The following NUSAP1 variants were observed in gnomAD, a reference collection of about 807,000 sequenced individuals.
NUSAP1 encodes nucleolar and spindle associated protein 1.
In NUSAP1, 32 loss-of-function variants were observed where a neutral mutation model predicts 52.8. That is an observed-to-expected ratio of 0.61 (90% confidence interval 0.46 to 0.81). The LOEUF (loss-of-function observed/expected upper bound fraction) is 0.81, where lower values mean the gene tolerates loss of function less well. NUSAP1 is among the 40% of genes least tolerant of loss of function. NUSAP1 has a pLI of 0.00. For synonymous variants in NUSAP1, 195 were observed against 183.1 expected (o/e 1.06, Z -0.52); for missense variants, 499 against 522.3 (o/e 0.96, Z 0.43).
Position 41,374,098 on chromosome 15 carries a change from C to T in NUSAP1, c.1007-1614C>T, listed in dbSNP as rs916294446. Among the ~76,000 whole-genome samples the T allele has an allele frequency of 2.0e-5, 3 of 152,328 alleles. No individual in the cohort carries two copies. The East Asian group carries it at 5.8e-4, about 29-fold the overall frequency. ...AAAGGAAATTAATCTCAATGGTTAG[C>T]TTTCCTCAATTATTGTTTTCCCCTT... On this transcript the variant is annotated intron_variant, in intron 8 of 10. Coordinates refer to ENST00000559596, the MANE Select transcript of NUSAP1 (RefSeq NM_016359.5).
chr15:41,377,693 C>A lies in NUSAP1; in HGVS notation c.1232+389C>A, dbSNP rs536649585. ...TAGCCTGCGTGACAGAGCCAGGCGC[C>A]GTCTCAAAAAAAAAAAAAGTGGTAT... On this transcript the variant is annotated intron_variant, in intron 10 of 10. Transcript: ENST00000559596. 3.1e-5 allele frequency among the ~76,000 whole-genome samples: 4 copies of A among 127,394 alleles called. No individual in the cohort carries two copies. In the East Asian group the frequency reaches 9.4e-4, roughly 30 times the overall value. 83.6% of individuals were successfully genotyped at this position (127,394 alleles called of 152,430 possible).
chr15:41,379,852 T>C (rs1265509719), intron 10 of NUSAP1, among the ~76,000 whole-genome samples: 1 of 152,190 alleles, frequency 6.6e-6, no homozygotes, highest in Non-Finnish European at 1.5e-5. Flanking sequence ...CCGGCCTCCA[T>C]GCATGATTTT....
At chr15:41,342,204 G>A (rs1041574755) in intron 1 of NUSAP1, among the ~76,000 whole-genome samples, 182 bp from the exon 2 acceptor site, 1 of 152,148 alleles carries the variant, frequency 6.6e-6, no homozygotes, top group African/African-American at 2.4e-5. Flanking sequence ...CTCTTTCCTT[G>A]TCTAACTTTC....
intron 7 of NUSAP1, among the ~76,000 whole-genome samples, chr15:41,370,733 G>A (rs563985735): frequency 2.7e-4 from 36 of 134,594 alleles, no homozygotes; most frequent in Admixed American, 1.1e-3. Flanking sequence ...CTGGGCGACC[G>A]AGCAAAACTC....
chr15:41,338,760 G>A (rs1304189235), intron 1 of NUSAP1, among the ~76,000 whole-genome samples: 3 of 151,872 alleles, frequency 2.0e-5, no homozygotes, highest in Admixed American at 6.6e-5. Context: ...GTTCAAGGCC[G>A]GCCTGGCCAG....
intron 9 of NUSAP1, among the ~76,000 whole-genome samples, chr15:41,376,574 TCAA>T (rs2140870443): frequency 7.0e-6 from 1 of 143,766 alleles, no homozygotes; most frequent in Non-Finnish European, 1.5e-5. Flanking sequence ...GCCTGTAGTC[TCAA>T]CTACTCGGGA....
At chr15:41,374,814 T>G (rs1302134292) in intron 8 of NUSAP1, among the ~76,000 whole-genome samples, 1 of 151,796 alleles carries the variant, frequency 6.6e-6, no homozygotes, top group African/African-American at 2.4e-5. Context: ...CGTGAGCCAC[T>G]GCACCCAGCT....
chr15:41,377,100 A>G, intron 9 of NUSAP1, 96 bp from the exon 10 acceptor site: 2 of 668,234 alleles, frequency 3.0e-6, no homozygotes, highest in Non-Finnish European at 5.2e-6. Context: ...AAAAGTATAA[A>G]TGTTGATAGC....
intron 9 of NUSAP1, among the ~76,000 whole-genome samples, chr15:41,376,231 T>C (rs1419784489): frequency 1.4e-5 from 2 of 146,680 alleles, no homozygotes; most frequent in Middle Eastern, 7.2e-3. Context: ...CCCCGTCTCT[T>C]CTGAAAAAAA....
chr15:41,338,655 AAAAG>A (rs1255331954), intron 1 of NUSAP1, among the ~76,000 whole-genome samples: 2 of 152,146 alleles, frequency 1.3e-5, no homozygotes, highest in African/African-American at 4.8e-5. Context: ...GAAAAGAAAA[AAAAG>A]AGAGAGAGAC....
intron 9 of NUSAP1, among the ~76,000 whole-genome samples, chr15:41,376,681 A>T (rs1464939236): frequency 1.3e-5 from 2 of 151,900 alleles, no homozygotes; most frequent in African/African-American, 4.8e-5. Context: ...ACAGAACGAG[A>T]CTCTGTCTAA....
At chr15:41,336,648 GT>G (rs75426159) in intron 1 of NUSAP1, among the ~76,000 whole-genome samples, 227 of 91,346 alleles carry the variant, frequency 2.5e-3, no homozygotes, top group East Asian at 7.8e-3. Context: ...CCTCCTTTTG[GT>G]TTTTTTTTTT....
At chr15:41,359,014 C>G (rs1442046117) in intron 6 of NUSAP1, among the ~76,000 whole-genome samples, 2 of 152,180 alleles carry the variant, frequency 1.3e-5, no homozygotes, top group African/African-American at 4.8e-5. Context: ...GTGATAAAGT[C>G]AACTCTGAGG....
intron 8 of NUSAP1, among the ~76,000 whole-genome samples, chr15:41,372,557 G>A (rs1172320890): frequency 6.6e-6 from 1 of 152,176 alleles, no homozygotes; most frequent in African/African-American, 2.4e-5. Context: ...CAGCTGGATT[G>A]GAAAATATGC....
chr15:41,365,549 C>G lies in NUSAP1; in HGVS notation c.808C>G (p.Leu270Val). 6.2e-7 allele frequency: 1 copy of G among 1,611,982 alleles called. No individual in the cohort carries two copies. The highest frequency in any genetic ancestry group is 1.1e-5 in the South Asian group (1 of 90,758). Residue 270 changes from leucine (L) to valine (V), a missense_variant, in exon 7 of 11, where the codon CTC becomes GTC. By Grantham distance (32) the Leu-to-Val change is conservative. Coordinates refer to ENST00000559596, the MANE Select transcript of NUSAP1 (RefSeq NM_016359.5). ...GAGTACCTTGGGTCTGAAGGGGTCACTCAAGCGCTCTGCTATCTCTGCAGC... is the reference window on the plus strand; with the variant it reads ...GAGTACCTTGGGTCTGAAGGGGTCAGTCAAGCGCTCTGCTATCTCTGCAGC... The part of the protein sequence containing the change: ...SQSTLGLKGS[L>V]KRSAISAAKT...
intron 6 of NUSAP1, among the ~76,000 whole-genome samples, chr15:41,362,591 AT>A (rs547069854): frequency 5.7e-4 from 82 of 144,438 alleles, no homozygotes; most frequent in Admixed American, 5.6e-4. Flanking sequence ...CACCCGGCTA[AT>A]TTTTTTTTTT....
intron 4 of NUSAP1, among the ~76,000 whole-genome samples, chr15:41,351,708 AC>A (rs993840344): frequency 2.6e-5 from 4 of 151,998 alleles, no homozygotes; most frequent in African/African-American, 9.7e-5. Flanking sequence ...GGTTGCTTGA[AC>A]CCAGGAGGTT....
chr15:41,370,962 T>C (rs2049659005), intron 7 of NUSAP1, among the ~76,000 whole-genome samples: 2 of 152,062 alleles, frequency 1.3e-5, no homozygotes, highest in South Asian at 4.1e-4. Flanking sequence ...ATCTTATGAA[T>C]TGTAAAAACA....
intron 2 of NUSAP1, among the ~76,000 whole-genome samples, chr15:41,345,947 G>A (rs766691911): frequency 1.1e-4 from 16 of 151,914 alleles, no homozygotes; most frequent in Non-Finnish European, 2.1e-4. Flanking sequence ...TTTATCAACC[G>A]TCTACTTCTC....
Sources: gnomAD v4.1 joint callset for allele counts (sites outside exome capture counted in the v4.1 genomes callset) on GRCh38, gnomAD v4.1.1 for gene constraint, MANE v1.5 for transcripts, NCBI Gene and HGNC (gene_info 2026-07-23, HGNC 2026-07-21) for gene names.